Variants in CHTOP observed in about 807,000 individuals in gnomAD.
The protein encoded by CHTOP is chromatin target of PRMT1 protein.
A neutral mutation model predicts 33.6 loss-of-function variants in CHTOP; 18 were observed. That is an observed-to-expected ratio of 0.54 (90% CI 0.37 to 0.80). The LOEUF is 0.80. Ranked by LOEUF, CHTOP falls within the 30% of genes least tolerant of loss-of-function variation. The probability of loss-of-function intolerance (pLI) is 0.00; values close to 1 mark genes in which losing one functional copy is unlikely to be tolerated. For synonymous variants in CHTOP, 117 were observed against 127.7 expected, an observed-to-expected ratio of 0.92 and a Z score of 0.56; for missense variants, 263 against 336.8, an observed-to-expected ratio of 0.78 and a Z score of 1.71.
chr1:153,638,636 T>C (rs1243951883), intron 3 of CHTOP, 188 bp downstream of exon 3: 4 of 644,740 alleles, frequency 6.2e-6, no homozygotes, highest in Non-Finnish European at 1.1e-5. Flanking sequence ...TTTTACTGTC[T>C]TTCTCTTTTA....
At chr1:153,636,424 A>AAC in intron 1 of CHTOP, 148 bp from the exon 2 acceptor site, 1 of 534,538 alleles carries the variant, frequency 1.9e-6, no homozygotes, top group South Asian at 3.1e-5. Context: ...AAAAAAAAAA[A>AAC]AGAAATTTAA....
At chr1:153,638,512 G>T (rs755021847) in intron 3 of CHTOP, 64 bp downstream of exon 3, 1 of 1,582,680 alleles carries the variant, frequency 6.3e-7, no homozygotes, top group South Asian at 1.1e-5. Context: ...GTCCACTGAG[G>T]CTGTCAGGAC....
In CHTOP at chr1:153,646,283, TAACA is replaced by T. The variant is rs952817702; in HGVS notation, c.*1018_*1021del. 2.6e-5 allele frequency: 4 copies of T among 152,284 alleles called. No homozygotes were observed. Among genetic ancestry groups the T allele is most frequent in the Admixed American group, 6.5e-5 (1 of 15,292 alleles). 9.4% of individuals were successfully genotyped at this position (152,284 alleles called of 1,614,324 possible). On this transcript the variant is annotated 3_prime_UTR_variant, in exon 6 of 6. Coordinates refer to ENST00000368694, the MANE Select transcript of CHTOP (RefSeq NM_015607.4). ...GGAATCTTGTATTTCTGGTTCATTA[TAACA>T]AACTGTTCGCTTAAATCCACCCAGG...
At chr1:153,642,710 AT>A (rs1165544153) in intron 4 of CHTOP, 2 of 278,348 alleles carry the variant, frequency 7.2e-6, no homozygotes, top group Non-Finnish European at 1.3e-5. Flanking sequence ...ATCAAAGCAC[AT>A]TCAAGTTCTA....
At chr1:153,638,175 GTACCACTTTACTTAAA>G (rs1668481863) in intron 2 of CHTOP, 104 bp from the exon 3 acceptor site, 3 of 945,642 alleles carry the variant, frequency 3.2e-6, no homozygotes, top group Non-Finnish European at 4.9e-6. Context: ...TGATCTAAGT[GTACCACTTTACTTAAA>G]AGTTCGTGGG....
intron 5 of CHTOP, chr1:153,643,650 T>G (rs1668705192): frequency 4.0e-6 from 1 of 252,536 alleles, no homozygotes; most frequent in African/African-American, 2.3e-5. Context: ...CCCAAAATGG[T>G]CAGTTTAGGG....
chr1:153,643,397 C>T, intron 5 of CHTOP, 33 bp downstream of exon 5: 2 of 1,479,300 alleles, frequency 1.4e-6, no homozygotes, highest in Non-Finnish European at 9.0e-7. Context: ...AGAGTAGCTC[C>T]CCCTTACTTT....
chr1:153,638,326 A>G lies in CHTOP; in HGVS notation c.97A>G (p.Thr33Ala). The G allele has an allele frequency of 6.2e-7, 1 of 1,614,264 alleles. No homozygotes were observed. The highest frequency in any genetic ancestry group is 2.2e-5 in the East Asian group (1 of 44,896). ...FTNMLKNKQPTPVNIRASMQQ... is the reference protein window; with the variant it reads ...FTNMLKNKQPAPVNIRASMQQ... The stretch of plus-strand genomic sequence containing the variant: ...TAATATGCTGAAGAACAAACAGCCG[A>G]CGCCAGTGAATATTCGGGCTTCGAT... Residue 33 changes from threonine (T) to alanine (A), a missense_variant, in exon 3 of 6, where the codon ACG becomes GCG. This residue lies in a region of CHTOP where 73 missense variants were observed against 108.9 expected (regional missense o/e 0.67). Coordinates refer to ENST00000368694, the MANE Select transcript of CHTOP (RefSeq NM_015607.4).
intron 3 of CHTOP, among the ~76,000 whole-genome samples, chr1:153,638,776 C>T (rs962939954): frequency 2.0e-5 from 3 of 152,148 alleles, no homozygotes; most frequent in African/African-American, 7.2e-5. Flanking sequence ...TTTAGATAAT[C>T]TCACAGCATC....
intron 1 of CHTOP, among the ~76,000 whole-genome samples, chr1:153,636,184 C>T (rs564361447): frequency 6.6e-6 from 1 of 151,736 alleles, no homozygotes; most frequent in East Asian, 1.9e-4. Context: ...TGCCCTTGCC[C>T]TCCCAAAGTG....
chr1:153,645,274 T>C lies in CHTOP; in HGVS notation c.*5T>C. The stretch of plus-strand genomic sequence containing the variant: ...GATCCCGAAACCAATGATTGAAGCC[T>C]GCCCATCCTCCCATGAGAGACTCTT... On this transcript the variant is annotated 3_prime_UTR_variant, in exon 6 of 6. Coordinates refer to ENST00000368694, the MANE Select transcript of CHTOP (RefSeq NM_015607.4). The C allele has an allele frequency of 6.2e-7, 1 of 1,613,988 alleles. No homozygotes were observed. Among genetic ancestry groups the C allele is most frequent in the African/African-American group, 1.3e-5 (1 of 75,066 alleles).
intron 3 of CHTOP, among the ~76,000 whole-genome samples, chr1:153,640,466 C>G (rs947494682): frequency 6.6e-6 from 1 of 151,814 alleles, no homozygotes; most frequent in Non-Finnish European, 1.5e-5. Flanking sequence ...GACTCTGTCT[C>G]AAGAAAATAA....
intron 2 of CHTOP, 26 bp downstream of exon 2, chr1:153,636,679 CTCCT>C (rs749018161): frequency 2.0e-5 from 32 of 1,604,734 alleles, no homozygotes; most frequent in Non-Finnish European, 6.8e-6. Flanking sequence ...GCAACTTCAA[CTCCT>C]TCCTAAGAAA....
rs747599298 is a variant in CHTOP, at chr1:153,642,443, A to G, written c.403+14A>G. The G allele has an allele frequency of 1.3e-6, 2 of 1,582,546 alleles. No homozygotes were observed. The highest frequency in any genetic ancestry group is 1.7e-6 in the Non-Finnish European group (2 of 1,160,272). On this transcript the variant is annotated intron_variant, in intron 4 of 5. Transcript: ENST00000368694. ...TGTCACTCCGAGGTCAGTGCTGTGT[A>G]CCCTGATAATTGTCGGGCCCTACTC...
chr1:153,637,787 A>G (rs1668462442), intron 2 of CHTOP: 1 of 154,100 alleles, frequency 6.5e-6, no homozygotes. Context: ...TGATAAGCTA[A>G]TTATTTATGT....
At chr1:153,643,476 TTG>T in intron 5 of CHTOP, 112 bp downstream of exon 5, 1 of 1,154,788 alleles carries the variant, frequency 8.7e-7, no homozygotes, top group Middle Eastern at 2.8e-4. Context: ...TTTGTTTGTC[TTG>T]TTTTGTTATT....
intron 3 of CHTOP, among the ~76,000 whole-genome samples, chr1:153,640,195 A>T (rs1456045138): frequency 6.6e-6 from 1 of 152,026 alleles, no homozygotes; most frequent in Non-Finnish European, 1.5e-5. Flanking sequence ...AATTTTTTTT[A>T]ATTTAATTTT....
In CHTOP at chr1:153,636,606, G is replaced by A. The variant is rs553593380; in HGVS notation, c.18G>A (p.Ala6=). 18 of 1,613,428 alleles carry A rather than the reference G, an allele frequency of 1.1e-5. No homozygotes were observed. The highest frequency in any genetic ancestry group is 2.7e-5 in the African/African-American group (2 of 74,996). Residue 6 remains alanine, a synonymous_variant, in exon 2 of 6, where the codon GCG becomes GCA. Coordinates refer to ENST00000368694, the MANE Select transcript of CHTOP (RefSeq NM_015607.4). The stretch of plus-strand genomic sequence containing the variant: ...ATTCGAAGATGGCTGCACAGTCAGC[G>A]CCGAAAGTTGTGCTAAAAAGCACCA... The part of the protein sequence containing the change: MAAQS[A]PKVVLKSTTK...
chr1:153,636,767 A>C, intron 2 of CHTOP, 114 bp downstream of exon 2: 2 of 851,098 alleles, frequency 2.3e-6, no homozygotes, highest in Non-Finnish European at 3.8e-6. Flanking sequence ...AAGGCTACAG[A>C]CCTCTGTTCT....
Sources: gnomAD v4.1 joint callset for allele counts (sites outside exome capture counted in the v4.1 genomes callset) on GRCh38, gnomAD v4.1.1 for gene constraint, gnomAD v4.1.1 regional missense constraint, MANE v1.5 for transcripts, NCBI Gene and HGNC (gene_info 2026-07-23, HGNC 2026-07-21) for gene names.